The following FTO variants were observed in gnomAD, a reference collection of about 807,000 sequenced individuals.
FTO encodes alpha-ketoglutarate-dependent dioxygenase FTO.
In FTO, 47 loss-of-function variants were observed where a neutral mutation model predicts 63.9. The ratio of observed to expected loss-of-function variants is 0.74; its 90% CI spans 0.58 to 0.94. The LOEUF is 0.94. Ranked by LOEUF, FTO falls within the 40% of genes least tolerant of loss-of-function variation. The pLI is 0.00. For synonymous variants in FTO, 207 were observed against 224.4 expected (o/e 0.92, Z 0.69); for missense variants, 562 against 618.1 (o/e 0.91, Z 0.96).
At chr16:53,920,398 A>T (rs1036080176) in intron 7 of FTO, among the ~76,000 whole-genome samples, 2 of 152,068 alleles carry the variant, frequency 1.3e-5, no homozygotes, top group Non-Finnish European at 2.9e-5. Context: ...ACCAAAAATA[A>T]TTTTTTCTTC....
intron 4 of FTO, among the ~76,000 whole-genome samples, chr16:53,873,152 G>A (rs1366672186): frequency 1.3e-5 from 2 of 151,662 alleles, no homozygotes; most frequent in East Asian, 3.9e-4. Flanking sequence ...AGGGAAAGAG[G>A]CAGATTTTTC....
chr16:54,064,627 G>A (rs540528589), intron 8 of FTO, among the ~76,000 whole-genome samples: 39 of 152,190 alleles, frequency 2.6e-4, no homozygotes, highest in Non-Finnish European at 5.0e-4. Flanking sequence ...ATGGGGCAGG[G>A]AGAGACCATT....
intron 1 of FTO, among the ~76,000 whole-genome samples, chr16:53,724,910 T>G (rs2076120702): frequency 6.6e-6 from 1 of 152,204 alleles, no homozygotes; most frequent in African/African-American, 2.4e-5. Context: ...ATTAATAATT[T>G]TAGCATTGAA....
intron 8 of FTO, among the ~76,000 whole-genome samples, chr16:53,973,131 G>A (rs1397771477): frequency 1.3e-5 from 2 of 152,156 alleles, no homozygotes; most frequent in Non-Finnish European, 2.9e-5. Context: ...AGCCTCCTAA[G>A]CAAAGATCAT....
Position 53,825,925 on chromosome 16 carries a change from A to C in FTO, c.185A>C (p.His62Pro). Residue 62 changes from histidine to proline, a missense_variant, in exon 3 of 9, where the codon CAT (histidine) becomes CCT (proline). Coordinates refer to ENST00000471389, the MANE Select transcript of FTO (RefSeq NM_001080432.3). Reference sequence around the variant, plus strand: ...GCCAGCAGTGTATCTGAGGAGCTCCATAAAGAGGTTCAAGAAGCCTTTCTC... The same window carrying C: ...GCCAGCAGTGTATCTGAGGAGCTCCCTAAAGAGGTTCAAGAAGCCTTTCTC... ...REASSVSEEL[H>P]KEVQEAFLTL... 1 of 1,614,144 alleles carries C rather than the reference A, an allele frequency of 6.2e-7. No individual in the cohort carries two copies. Among genetic ancestry groups the C allele is most frequent in the Non-Finnish European group, 8.5e-7 (1 of 1,180,014 alleles).
chr16:53,740,797 C>A (rs2076512435), intron 1 of FTO, among the ~76,000 whole-genome samples: 1 of 152,150 alleles, frequency 6.6e-6, no homozygotes, highest in South Asian at 2.1e-4. Flanking sequence ...CAGATGAATA[C>A]AACTTTACTG....
At chr16:54,001,359 G>C (rs778776946) in intron 8 of FTO, among the ~76,000 whole-genome samples, 6 of 152,172 alleles carry the variant, frequency 3.9e-5, no homozygotes, top group Non-Finnish European at 8.8e-5. Context: ...GCCTCTCAGA[G>C]GGTGGTATCT....
chr16:53,961,763 T>C (rs1289584134), intron 8 of FTO, among the ~76,000 whole-genome samples: 1 of 152,260 alleles, frequency 6.6e-6, no homozygotes, highest in African/African-American at 2.4e-5. Flanking sequence ...AATTCAGTTA[T>C]GATGACCAAC....
chr16:54,058,690 CA>C (rs1478016635), intron 8 of FTO, among the ~76,000 whole-genome samples: 1 of 152,178 alleles, frequency 6.6e-6, no homozygotes, highest in African/African-American at 2.4e-5. Flanking sequence ...GAAAGGCAGA[CA>C]ATCTGTGAGA....
At chr16:54,104,651 C>T (rs962037541) in intron 8 of FTO, among the ~76,000 whole-genome samples, 2 of 152,108 alleles carry the variant, frequency 1.3e-5, no homozygotes, top group Non-Finnish European at 2.9e-5. Context: ...TATGCTATTG[C>T]ACATTAGGAG....
intron 5 of FTO, 122 bp downstream of exon 5, chr16:53,873,987 C>T (rs1238184901): frequency 2.7e-6 from 2 of 734,122 alleles, no homozygotes; most frequent in African/African-American, 3.5e-5. Flanking sequence ...TCTAACTTGA[C>T]TTTCGTCTCT....
At position 53,905,951 on chromosome 16, in the gene FTO, C is replaced by T. The variant is rs1168899763; in HGVS notation, c.1239+17000C>T. Among the ~76,000 whole-genome samples the T allele has an allele frequency of 2.0e-5, 3 of 152,114 alleles. No individual in the cohort carries two copies. The South Asian group carries it at 6.2e-4, about 32-fold the overall frequency. On this transcript the variant is annotated intron_variant, in intron 7 of 8. Transcript: ENST00000471389. Reference sequence around the variant, plus strand: ...TTGGCGTAATCCATTTGAAAAACTCCCTTATTTTAAAAGATTCAATAATTA... The same window carrying T: ...TTGGCGTAATCCATTTGAAAAACTCTCTTATTTTAAAAGATTCAATAATTA...
intron 7 of FTO, among the ~76,000 whole-genome samples, chr16:53,926,250 G>GT (rs1158272020): frequency 3.3e-5 from 5 of 152,174 alleles, no homozygotes; most frequent in Non-Finnish European, 7.3e-5. Flanking sequence ...CTTAAAAATA[G>GT]TTTTTCCGAC....
intron 8 of FTO, among the ~76,000 whole-genome samples, chr16:54,100,169 G>A (rs898418958): frequency 3.0e-4 from 45 of 152,300 alleles, no homozygotes; most frequent in Middle Eastern, 3.4e-3. Flanking sequence ...CTGTATTTTG[G>A]AAGAATGCAA....
chr16:54,048,124 A>T lies in FTO; in HGVS notation c.1365-63638A>T, dbSNP rs1365464207. 2.0e-5 allele frequency among the ~76,000 whole-genome samples: 2 copies of T among 100,162 alleles called. 1 individual carries two copies. Among genetic ancestry groups the T allele is most frequent in the African/African-American group, 1.4e-4 (2 of 14,028 alleles). The allele number at this position is 100,162 out of a possible 152,430, so 65.7% of individuals were successfully genotyped here. A position where few individuals can be genotyped will look rare whatever the true frequency, so the allele number is the denominator to read the frequency against. ...ACTTAGAGTATAATAAAAAAAAAAA[A>T]TTAAAAAAAAAAAAAAAAGAATTTC... On this transcript the variant is annotated intron_variant, in intron 8 of 8. Coordinates refer to ENST00000471389, the MANE Select transcript of FTO (RefSeq NM_001080432.3).
At chr16:53,819,224 T>G (rs927118243) in intron 2 of FTO, among the ~76,000 whole-genome samples, 1 of 152,244 alleles carries the variant, frequency 6.6e-6, no homozygotes, top group Non-Finnish European at 1.5e-5. Flanking sequence ...GGTCTCACTC[T>G]GTGGCCCAGG....
In FTO at chr16:54,118,308, G is replaced by A. The variant is rs923388626; in HGVS notation, c.*6393G>A. On this transcript the variant is annotated 3_prime_UTR_variant, in exon 9 of 9. Transcript: ENST00000471389. ...GATCCTGTGTGCTTCGGGTAATTCT[G>A]ACCCTCTTCATTAGTGATAATGGCA... 4.0e-5 allele frequency: 6 copies of A among 151,744 alleles called. No homozygotes were observed. The highest frequency in any genetic ancestry group is 1.2e-4 in the African/African-American group (5 of 41,388). The allele number at this position is 151,744 out of a possible 1,614,324, so 9.4% of individuals were successfully genotyped here. A position where few individuals can be genotyped will look rare whatever the true frequency, so the allele number is the denominator to read the frequency against.
At chr16:53,816,827 G>T (rs2078706050) in intron 2 of FTO, among the ~76,000 whole-genome samples, 1 of 152,048 alleles carries the variant, frequency 6.6e-6, no homozygotes, top group African/African-American at 2.4e-5. Flanking sequence ...CTTATTGTCT[G>T]GCTCACCTTG....
chr16:53,799,703 T>G (rs1200396163), intron 1 of FTO, among the ~76,000 whole-genome samples: 1 of 152,206 alleles, frequency 6.6e-6, no homozygotes, highest in Non-Finnish European at 1.5e-5. Context: ...TTTCACTCTC[T>G]GGGCAAGTCT....
Sources: allele counts gnomAD v4.1 joint callset (sites outside exome capture counted in the v4.1 genomes callset), GRCh38; gene constraint gnomAD v4.1.1; transcripts MANE v1.5; gene names NCBI Gene and HGNC (gene_info 2026-07-23, HGNC 2026-07-21).